The following PLAUR variants were observed in gnomAD, a reference collection of about 807,000 sequenced individuals.
The protein encoded by PLAUR is urokinase plasminogen activator surface receptor.
A neutral mutation model predicts 33.4 loss-of-function variants in PLAUR; 22 were observed. The ratio of observed to expected loss-of-function variants is 0.66; its 90% CI spans 0.47 to 0.94. PLAUR has a LOEUF of 0.94. PLAUR is among the 40% of genes least tolerant of loss of function. PLAUR has a pLI of 0.00. For synonymous variants in PLAUR, 148 were observed against 167.3 expected (o/e 0.88, Z 0.89); for missense variants, 408 against 434.7 (o/e 0.94, Z 0.55).
intron 6 of PLAUR, chr19:43,651,924 C>A: frequency 8.9e-7 from 1 of 1,121,452 alleles, no homozygotes. Context: ...TGCTATGTTG[C>A]CCAGGCTGGT....
intron 3 of PLAUR, chr19:43,664,975 T>G: frequency 6.8e-6 from 2 of 292,626 alleles, no homozygotes; most frequent in Non-Finnish European, 1.3e-5. Flanking sequence ...AATTGTGTCG[T>G]TGGGGTGGGG....
At chr19:43,647,808 A>AAAAAGAAAAG (rs4251935), downstream of PLAUR, among the ~76,000 whole-genome samples, 140 of 152,082 alleles carry the variant, frequency 9.2e-4, 1 homozygote, top group African/African-American at 3.2e-3. Context: ...TCCATCTCAA[A>AAAAAGAAAAG]AAAAGAAAAG....
At chr19:43,658,448 A>G (rs1974300390) in intron 3 of PLAUR, among the ~76,000 whole-genome samples, 1 of 152,226 alleles carries the variant, frequency 6.6e-6, no homozygotes, top group Admixed American at 6.5e-5. Context: ...TATTGCTGCA[A>G]TCTGTAATGC....
downstream of PLAUR, chr19:43,646,689 T>A (rs1600107515): frequency 9.9e-6 from 6 of 608,338 alleles, no homozygotes; most frequent in East Asian, 1.7e-4. Context: ...AGACCTCACT[T>A]CTTTAAGCCA....
At chr19:43,668,580 C>T (rs1967373743) in intron 1 of PLAUR, among the ~76,000 whole-genome samples, 3 of 150,916 alleles carry the variant, frequency 2.0e-5, no homozygotes, top group Non-Finnish European at 4.4e-5. Context: ...CACCCTGTAG[C>T]TCCTCCCCGA....
downstream of PLAUR, among the ~76,000 whole-genome samples, chr19:43,647,311 C>G (rs1446158826): frequency 6.6e-6 from 1 of 152,182 alleles, no homozygotes; most frequent in Admixed American, 6.5e-5. Flanking sequence ...GAAGTGCACT[C>G]CTGTCCTTAT....
intron 3 of PLAUR, 116 bp downstream of exon 3, chr19:43,665,200 G>A: frequency 9.2e-7 from 1 of 1,084,318 alleles, no homozygotes; most frequent in Non-Finnish European, 1.4e-6. Context: ...TTGGGACTTG[G>A]ATAAGGCATG....
intron 6 of PLAUR, 57 bp downstream of exon 6, chr19:43,652,168 T>C: frequency 1.9e-6 from 3 of 1,594,708 alleles, no homozygotes; most frequent in Non-Finnish European, 2.6e-6. Flanking sequence ...AGTCAATCTC[T>C]TGCGGAACTC....
rs558001009 is a variant in PLAUR, at chr19:43,667,164, T to C, written c.166+417A>G. The C allele has an allele frequency of 2.6e-5, 5 of 190,140 alleles. No individual in the cohort carries two copies. The South Asian group carries it at 3.9e-4, about 15-fold the overall frequency. The allele number at this position is 190,140 out of a possible 1,614,324, so 11.8% of individuals were successfully genotyped here. On this transcript the variant is annotated intron_variant, in intron 2 of 6. Coordinates refer to ENST00000340093, the MANE Select transcript of PLAUR (RefSeq NM_002659.4). ...CCTCCCAAAGTGCTGGAAATACAGG[T>C]GTGAGCCAGTGCCCAGCCTGTTTCC... is the stretch of plus-strand genomic sequence containing the variant.
At chr19:43,656,859 C>A in intron 3 of PLAUR, 1 of 414,464 alleles carries the variant, frequency 2.4e-6, no homozygotes, top group Non-Finnish European at 4.3e-6. Context: ...CAGCTACCTC[C>A]CTAGCCTCTG....
At chr19:43,667,834 C>T in intron 1 of PLAUR, 143 bp from the exon 2 acceptor site, 2 of 1,461,138 alleles carry the variant, frequency 1.4e-6, no homozygotes, top group South Asian at 1.4e-5. Flanking sequence ...TGGGTTCCGG[C>T]CGGCGGTACT....
chr19:43,662,779 A>T (rs928974057), intron 3 of PLAUR, among the ~76,000 whole-genome samples: 5 of 149,712 alleles, frequency 3.3e-5, no homozygotes, highest in African/African-American at 1.2e-4. Context: ...CAGTGGTGCG[A>T]TCATAGCTTA....
chr19:43,663,382 G>A (rs906491841), intron 3 of PLAUR, among the ~76,000 whole-genome samples: 1 of 149,566 alleles, frequency 6.7e-6, no homozygotes, highest in African/African-American at 2.5e-5. Context: ...AGTCAGGCAG[G>A]GCACAAGGCT....
At position 43,659,167 on chromosome 19, in the gene PLAUR, C is replaced by CTTTTTTTTTTTTT. The variant is rs3052823; in HGVS notation, c.311-2540_311-2528dup. Among the ~76,000 whole-genome samples, 670 of 96,958 alleles carry CTTTTTTTTTTTTT rather than the reference C, an allele frequency of 6.9e-3. 20 individuals are homozygous for CTTTTTTTTTTTTT. The highest frequency in any genetic ancestry group is 0.01 in the Middle Eastern group (1 of 96). The allele number at this position is 96,958 out of a possible 152,430, so 63.6% of individuals were successfully genotyped here. A position where few individuals can be genotyped will look rare whatever the true frequency, so the allele number is the denominator to read the frequency against. Reference sequence around the variant, plus strand: ...GCTATTTTCCTTTTTCTTTTCTTTTCTTTTTTTTTTTTTTTGAGATAGGGT... The same window carrying CTTTTTTTTTTTTT: ...GCTATTTTCCTTTTTCTTTTCTTTTCTTTTTTTTTTTTTTTTTTTTTTTTTTTTGAGATAGGGT... On this transcript the variant is annotated intron_variant, in intron 3 of 6. Transcript: ENST00000340093.
intron 1 of PLAUR, among the ~76,000 whole-genome samples, chr19:43,669,035 A>T (rs759747405): frequency 1.3e-5 from 2 of 152,008 alleles, no homozygotes; most frequent in Non-Finnish European, 2.9e-5. Flanking sequence ...CGTTCGGAGT[A>T]TCCCGGAGCT....
Position 43,655,439 on chromosome 19 carries a change from T to G in PLAUR, c.607A>C (p.Ile203Leu). The change falls in exon 5 of 7, where the codon ATC (isoleucine) becomes CTC (leucine). Residue 203 changes from isoleucine to leucine, a missense_variant and splice_region_variant. By Grantham distance (5) the Ile-to-Leu change is conservative. Transcript: ENST00000340093. ...CTTGCCTGTGTCTCCCGTTCCTTAC[T>G]TGGGCCCTCGTTGCATTTGGTGGTG... Reference protein sequence around the residue: ...CNTTKCNEGPILELENLPQNG... With the variant: ...CNTTKCNEGPLLELENLPQNG... 1 of 1,614,126 alleles carries G rather than the reference T, an allele frequency of 6.2e-7. No individual in the cohort carries two copies.
At chr19:43,652,042 A>G in intron 6 of PLAUR, 183 bp downstream of exon 6, 1 of 1,376,416 alleles carries the variant, frequency 7.3e-7, no homozygotes, top group Non-Finnish European at 9.4e-7. Context: ...CCATGGCAAA[A>G]ATGTCCACAT....
At chr19:43,651,843 C>T (rs747238396) in intron 6 of PLAUR, 160 of 1,020,896 alleles carry the variant, frequency 1.6e-4, no homozygotes, top group Non-Finnish European at 1.9e-4. Flanking sequence ...AAGATGTCTT[C>T]AGCAAATCCC....
rs1388363067 is a variant in PLAUR at position 43,667,846 on chromosome 19, C to A, written c.56-155G>T. Reference sequence around the variant, plus strand: ...TGCTGGGTTCCGGCCGGCGGTACTTCCAGTCTGTCCGTTGTCCACGTTCTA... The same window carrying A: ...TGCTGGGTTCCGGCCGGCGGTACTTACAGTCTGTCCGTTGTCCACGTTCTA... On this transcript the variant is annotated intron_variant, in intron 1 of 6. Transcript: ENST00000340093. 4.8e-6 allele frequency: 7 copies of A among 1,453,640 alleles called. No individual in the cohort carries two copies. The East Asian group carries it at 1.3e-4, about 26-fold the overall frequency. The allele number at this position is 1,453,640 out of a possible 1,614,324, so 90.0% of individuals were successfully genotyped here.
Sources: allele counts gnomAD v4.1 joint callset (sites outside exome capture counted in the v4.1 genomes callset), GRCh38; gene constraint gnomAD v4.1.1; transcripts MANE v1.5; gene names NCBI Gene and HGNC (gene_info 2026-07-23, HGNC 2026-07-21).